Variants in MANBA observed in about 807,000 individuals in gnomAD.
The protein encoded by MANBA is mannosidase beta.
In MANBA, 83 loss-of-function variants were observed where a neutral mutation model predicts 111.1. That is an observed-to-expected ratio of 0.75 (90% confidence interval 0.63 to 0.90). MANBA has a LOEUF of 0.90. Ranked by LOEUF, MANBA falls within the 40% of genes least tolerant of loss-of-function variation. The probability of loss-of-function intolerance (pLI) is 0.00; values close to 1 mark genes in which losing one functional copy is unlikely to be tolerated. For synonymous variants in MANBA, 370 were observed against 378.7 expected, an observed-to-expected ratio of 0.98 and a Z score of 0.27; for missense variants, 1,036 against 1,069.0, an observed-to-expected ratio of 0.97 and a Z score of 0.43.
intron 5 of MANBA, 36 bp downstream of exon 5, chr4:102,714,402 C>T (rs768646744): frequency 6.4e-7 from 1 of 1,573,226 alleles, no homozygotes; most frequent in East Asian, 2.2e-5. Flanking sequence ...AACAAGAAGA[C>T]TCAAAAAGAA....
intron 13 of MANBA, among the ~76,000 whole-genome samples, chr4:102,645,316 A>G (rs1730055925): frequency 1.3e-5 from 2 of 152,138 alleles, no homozygotes; most frequent in Admixed American, 1.3e-4. Flanking sequence ...ATGAGTCTGT[A>G]GGTTGCTTTT....
intron 5 of MANBA, among the ~76,000 whole-genome samples, chr4:102,696,723 T>G (rs1485267619): frequency 1.3e-5 from 2 of 152,206 alleles, no homozygotes; most frequent in Non-Finnish European, 2.9e-5. Flanking sequence ...TTTGCCCTGC[T>G]GAGCTCCTCA....
At chr4:102,672,645 G>GTACC (rs1205128957) in intron 8 of MANBA, among the ~76,000 whole-genome samples, 1 of 152,214 alleles carries the variant, frequency 6.6e-6, no homozygotes, top group Non-Finnish European at 1.5e-5. Flanking sequence ...CATGGATCAG[G>GTACC]TGGCACAGCA....
intron 7 of MANBA, among the ~76,000 whole-genome samples, chr4:102,675,983 A>G (rs1381041630): frequency 2.0e-5 from 3 of 152,166 alleles, no homozygotes; most frequent in Non-Finnish European, 2.9e-5. Context: ...AAAAAAAAAG[A>G]AGGCTTACCT....
At chr4:102,732,298 A>G (rs1270129949) in intron 1 of MANBA, among the ~76,000 whole-genome samples, 1 of 152,218 alleles carries the variant, frequency 6.6e-6, no homozygotes, top group Non-Finnish European at 1.5e-5. Flanking sequence ...TCATCTATCC[A>G]TGAACAATAT....
At chr4:102,735,107 T>C (rs932911727) in intron 1 of MANBA, among the ~76,000 whole-genome samples, 1 of 152,176 alleles carries the variant, frequency 6.6e-6, no homozygotes, top group African/African-American at 2.4e-5. Context: ...CAAAACGCCA[T>C]GGCCATGCAA....
chr4:102,660,631 A>T (rs1421746413), intron 11 of MANBA, among the ~76,000 whole-genome samples: 1 of 151,360 alleles, frequency 6.6e-6, no homozygotes, highest in Admixed American at 6.6e-5. Flanking sequence ...AATTTTTTAA[A>T]TTTTTTTGGA....
chr4:102,720,741 T>C (rs1487521744), intron 4 of MANBA, among the ~76,000 whole-genome samples: 4 of 152,186 alleles, frequency 2.6e-5, no homozygotes, highest in African/African-American at 9.7e-5. Context: ...TTCCATGGAA[T>C]ACTTGACTAC....
chr4:102,650,134 T>C (rs999562055), intron 13 of MANBA, among the ~76,000 whole-genome samples: 1 of 152,200 alleles, frequency 6.6e-6, no homozygotes, highest in Non-Finnish European at 1.5e-5. Flanking sequence ...GATAAAATGA[T>C]TGTTCTCATA....
rs1489944388 is a variant in MANBA at position 102,635,049 on chromosome 4, G to A, written c.2158-4C>T. 2.0e-5 allele frequency: 32 copies of A among 1,613,850 alleles called. No homozygotes were observed. In the Admixed American group the frequency reaches 5.0e-4, roughly 25 times the overall value. ...AGCTCCATGTATGGACTCTCACCTG[G>A]GGAGAAATAAAACAGAATAAAAACA... On this transcript the variant is annotated splice_polypyrimidine_tract_variant and splice_region_variant and intron_variant, in intron 15 of 16. Transcript: ENST00000647097.
At position 102,687,856 on chromosome 4, in the gene MANBA, T is replaced by C. The variant is rs1183053297; in HGVS notation, c.960+1718A>G. ...TAGCCAAAACACAGTAGGTGTGCCC[T>C]AAGTATTTACTGAATGAATCAGCCT... On this transcript the variant is annotated intron_variant, in intron 7 of 16. Coordinates refer to ENST00000647097, the MANE Select transcript of MANBA (RefSeq NM_005908.4). Among the ~76,000 whole-genome samples, 8 of 152,226 alleles carry C rather than the reference T, an allele frequency of 5.3e-5. No homozygotes were observed. In the East Asian group the frequency reaches 1.5e-3, roughly 29 times the overall value.
At position 102,722,926 on chromosome 4, in the gene MANBA, G is replaced by A. The variant is rs941610876; in HGVS notation, c.494C>T (p.Pro165Leu). The change falls in exon 4 of 17, where the codon CCA becomes CTA. Residue 165 changes from proline to leucine, a missense_variant. By Grantham distance (98) the Pro-to-Leu change is moderately conservative. Coordinates refer to ENST00000647097, the MANE Select transcript of MANBA (RefSeq NM_005908.4). The stretch of plus-strand genomic sequence containing the variant: ...CTTCTGCACAAGTGGAGGGCAGTCT[G>A]GGGGAACCTGGTAGCGAGTGTGAGC... The part of the protein sequence containing the change: ...SKAHTRYQVP[P>L]DCPPLVQKGE... The A allele has an allele frequency of 1.2e-6, 2 of 1,614,122 alleles. No individual in the cohort carries two copies. Among genetic ancestry groups the A allele is most frequent in the Admixed American group, 3.3e-5 (2 of 60,020 alleles).
intron 1 of MANBA, among the ~76,000 whole-genome samples, chr4:102,754,907 A>C (rs569199319): frequency 6.6e-6 from 1 of 152,210 alleles, no homozygotes; most frequent in Non-Finnish European, 1.5e-5. Flanking sequence ...GCATTAAAAA[A>C]ATTAGAATGG....
rs1317121535 is a variant in MANBA, at chr4:102,733,723, G to GT, written c.178-7041dup. 3.9e-5 allele frequency among the ~76,000 whole-genome samples: 6 copies of GT among 152,188 alleles called. No homozygotes were observed. In the East Asian group the frequency reaches 9.7e-4, roughly 24 times the overall value. On this transcript the variant is annotated intron_variant, in intron 1 of 16. Coordinates refer to ENST00000647097, the MANE Select transcript of MANBA (RefSeq NM_005908.4). Reference sequence around the variant, plus strand: ...GAAGTAATCTGATGTTAATCAATCAGTTTTTTTCCTACTGTTCTGTTTCTT... The same window carrying GT: ...GAAGTAATCTGATGTTAATCAATCAGTTTTTTTTCCTACTGTTCTGTTTCTT...
chr4:102,652,536 G>A (rs1168660588), intron 12 of MANBA, among the ~76,000 whole-genome samples: 1 of 152,062 alleles, frequency 6.6e-6, no homozygotes, highest in Non-Finnish European at 1.5e-5. Context: ...GCCAGGCAAA[G>A]TTCTAATTAC....
chr4:102,705,546 C>T (rs899654572), intron 5 of MANBA, among the ~76,000 whole-genome samples: 4 of 152,140 alleles, frequency 2.6e-5, no homozygotes, highest in African/African-American at 9.7e-5. Flanking sequence ...GAAGGGCTAC[C>T]CTGCTTATCT....
chr4:102,704,784 C>T (rs980480558), intron 5 of MANBA, among the ~76,000 whole-genome samples: 4 of 151,884 alleles, frequency 2.6e-5, no homozygotes, highest in Non-Finnish European at 5.9e-5. Context: ...TCTTTTAATG[C>T]TCTCATGAGC....
intron 1 of MANBA, among the ~76,000 whole-genome samples, chr4:102,731,271 G>C (rs1723025419): frequency 6.6e-6 from 1 of 152,076 alleles, no homozygotes; most frequent in Non-Finnish European, 1.5e-5. Flanking sequence ...TGAATCTGTG[G>C]TGTGTAGCCA....
At chr4:102,648,925 CTTGA>C (rs755397953) in intron 13 of MANBA, among the ~76,000 whole-genome samples, 4 of 151,952 alleles carry the variant, frequency 2.6e-5, no homozygotes, top group East Asian at 1.9e-4. Flanking sequence ...TCTCTATCAT[CTTGA>C]TTGTTTTTTT....
Sources: allele counts gnomAD v4.1 joint callset (sites outside exome capture counted in the v4.1 genomes callset), GRCh38; gene constraint gnomAD v4.1.1; transcripts MANE v1.5; gene names NCBI Gene and HGNC (gene_info 2026-07-23, HGNC 2026-07-21).